The following COX14 variants were observed in gnomAD, a reference collection of about 807,000 sequenced individuals.
COX14 encodes the protein cytochrome c oxidase assembly factor COX14.
In COX14, 3 loss-of-function variants were observed where a neutral mutation model predicts 5.8. The ratio of observed to expected loss-of-function variants is 0.51; its 90% confidence interval spans 0.23 to 1.33. COX14 has a LOEUF of 1.33. Ranked by LOEUF, COX14 falls within the 40% of genes most tolerant of loss-of-function variation. The probability of loss-of-function intolerance (pLI) is 0.18; values close to 1 mark genes in which losing one functional copy is unlikely to be tolerated. For missense variants in COX14, 72 were observed against 72.1 expected (o/e 1.00, Z 0.01); for synonymous variants, 25 against 26.1 (o/e 0.96, Z 0.13).
chr12:50,119,885 CTA>C (rs960712282), intron 1 of COX14, among the ~76,000 whole-genome samples, 149 bp from the exon 2 acceptor site: 17 of 152,114 alleles, frequency 1.1e-4, no homozygotes, highest in African/African-American at 3.9e-4. Flanking sequence ...TCCAGTATCC[CTA>C]TGAGACTTTA....
intron 1 of COX14, chr12:50,112,913 G>GTTATGTTATA (rs1213143641): frequency 3.3e-5 from 2 of 60,686 alleles, no homozygotes; most frequent in Non-Finnish European, 1.5e-4. Context: ...TGTACGTTAT[G>GTTATGTTATA]TTATGTTATG....
At chr12:50,117,917 G>A (rs576964207) in intron 1 of COX14, among the ~76,000 whole-genome samples, 3 of 151,776 alleles carry the variant, frequency 2.0e-5, no homozygotes, top group South Asian at 4.2e-4. Flanking sequence ...CTAATTTTTT[G>A]TATTTTTAGT....
intron 1 of COX14, among the ~76,000 whole-genome samples, chr12:50,114,770 ATTTTTTTTTTTT>A (rs71083507): frequency 8.5e-5 from 6 of 70,596 alleles, no homozygotes; most frequent in South Asian, 8.2e-4. Flanking sequence ...GAGTATCTTA[ATTTTTTTTTTTT>A]TTTTTTTTTT....
At chr12:50,113,925 G>GT (rs202211090) in intron 1 of COX14, among the ~76,000 whole-genome samples, 34 of 151,376 alleles carry the variant, frequency 2.2e-4, no homozygotes, top group African/African-American at 5.8e-4. Flanking sequence ...CTCACGCCCA[G>GT]CCTTTTTTTT....
At chr12:50,118,051 T>C (rs1951098052) in intron 1 of COX14, among the ~76,000 whole-genome samples, 3 of 14,870 alleles carry the variant, frequency 2.0e-4, no homozygotes, top group Admixed American at 6.6e-4. Context: ...CACCCCCCCT[T>C]TTTTTTTTTT....
intron 1 of COX14, chr12:50,113,027 T>TC (rs796551493): frequency 5.1e-4 from 77 of 150,014 alleles, no homozygotes; most frequent in Admixed American, 1.5e-3. Flanking sequence ...AAAAGGTTTT[T>TC]TTTTTGTTGT....
intron 1 of COX14, among the ~76,000 whole-genome samples, chr12:50,114,356 T>G (rs888162174): frequency 1.3e-5 from 2 of 151,736 alleles, no homozygotes; most frequent in African/African-American, 4.8e-5. Flanking sequence ...TTCAAGCGAT[T>G]CTCCTGCCTC....
chr12:50,115,879 A>G (rs1025338535), intron 1 of COX14, among the ~76,000 whole-genome samples: 4 of 151,994 alleles, frequency 2.6e-5, no homozygotes, highest in South Asian at 4.2e-4. Context: ...CACTGTCACC[A>G]CCCTGTATAT....
At chr12:50,119,026 T>G (rs1163087037) in intron 1 of COX14, among the ~76,000 whole-genome samples, 1 of 152,220 alleles carries the variant, frequency 6.6e-6, no homozygotes. Context: ...GTAATTTATC[T>G]CATGCAAATA....
At chr12:50,112,477 C>T in intron 1 of COX14, 176 bp downstream of exon 1, 1 of 985,912 alleles carries the variant, frequency 1.0e-6, no homozygotes, top group African/African-American at 1.7e-5. Flanking sequence ...CTGCCCAAGC[C>T]CAAGCTCCTC....
chr12:50,112,911 ATGTTATGT>A (rs1565750759), intron 1 of COX14: 3 of 60,274 alleles, frequency 5.0e-5, no homozygotes, highest in Admixed American at 1.8e-4. Flanking sequence ...GATGTACGTT[ATGTTATGT>A]TATGTTATGT....
intron 1 of COX14, among the ~76,000 whole-genome samples, chr12:50,117,674 G>T (rs1272474320): frequency 6.6e-6 from 1 of 151,648 alleles, no homozygotes; most frequent in African/African-American, 2.4e-5. Flanking sequence ...CTGCCTCTGG[G>T]ATTCAAGCAA....
intron 1 of COX14, among the ~76,000 whole-genome samples, chr12:50,115,717 A>G (rs1340886621): frequency 6.6e-6 from 1 of 151,030 alleles, no homozygotes; most frequent in Non-Finnish European, 1.5e-5. Flanking sequence ...ACGCCCCACT[A>G]ATTTTTGTAT....
chr12:50,116,060 C>T (rs1951078055), intron 1 of COX14, among the ~76,000 whole-genome samples: 1 of 151,778 alleles, frequency 6.6e-6, no homozygotes, highest in Non-Finnish European at 1.5e-5. Context: ...TCCACTTCTA[C>T]TGCTACCACT....
In COX14 at chr12:50,114,770, ATTTTTTTTT is replaced by A. The variant is rs71083507; in HGVS notation, c.-9+2492_-9+2500del. 6.8e-3 allele frequency among the ~76,000 whole-genome samples: 480 copies of A among 70,618 alleles called. 2 individuals carry two copies. Among genetic ancestry groups the A allele is most frequent in the African/African-American group, 0.025 (453 of 18,460 alleles). 46.3% of individuals were successfully genotyped at this position (70,618 alleles called of 152,430 possible). A position where few individuals can be genotyped will look rare whatever the true frequency, so the allele number is the denominator to read the frequency against. ...CATGAATGTTGTGTTGAGTATCTTAATTTTTTTTTTTTTTTTTTTTTTTTTTTTTTTGAG... is the reference window on the plus strand; with the variant it reads ...CATGAATGTTGTGTTGAGTATCTTAATTTTTTTTTTTTTTTTTTTTTTGAG... On this transcript the variant is annotated intron_variant, in intron 1 of 1. Transcript: ENST00000550487.
chr12:50,118,482 T>C, intron 1 of COX14: 1 of 977,108 alleles, frequency 1.0e-6, no homozygotes, highest in Non-Finnish European at 1.2e-6. Flanking sequence ...TAAATATGTA[T>C]TTTTGGCCAG....
intron 1 of COX14, among the ~76,000 whole-genome samples, chr12:50,113,740 C>T (rs1001541919): frequency 1.3e-5 from 2 of 152,130 alleles, no homozygotes; most frequent in African/African-American, 2.4e-5. Flanking sequence ...TCAAATGATT[C>T]TCCTGTCTCA....
chr12:50,117,744 ATTT>A (rs35207153), intron 1 of COX14, among the ~76,000 whole-genome samples: 22 of 113,404 alleles, frequency 1.9e-4, no homozygotes, highest in South Asian at 2.9e-4. Flanking sequence ...CGCTGGGCTA[ATTT>A]TTTTTTTTTT....
In COX14 at chr12:50,120,124, G is replaced by T; in HGVS notation, c.81G>T (p.Gly27=). The change falls in exon 2 of 2, where the codon GGG becomes GGT. Residue 27 remains glycine (G), a synonymous_variant. Coordinates refer to ENST00000550487, the MANE Select transcript of COX14 (RefSeq NM_032901.4). ...TGATGCTTCTCACTGTGTATGGGGG[G>T]TACCTCTGCAGTGTCCGAGTCTACC... The part of the protein sequence containing the change: ...TSMMLLTVYG[G]YLCSVRVYHY... 1.2e-6 allele frequency: 2 copies of T among 1,613,956 alleles called. No homozygotes were observed. The highest frequency in any genetic ancestry group is 1.7e-5 in the Admixed American group (1 of 60,016).
Sources: gnomAD v4.1 joint callset for allele counts (sites outside exome capture counted in the v4.1 genomes callset) on GRCh38, gnomAD v4.1.1 for gene constraint, MANE v1.5 for transcripts, NCBI Gene and HGNC (gene_info 2026-07-23, HGNC 2026-07-21) for gene names.